Variants in ELFN1 observed in about 807,000 individuals in gnomAD.
The protein encoded by ELFN1 is extracellular leucine rich repeat and fibronectin type III domain containing 1.
Under a neutral mutation model 7.6 loss-of-function variants are expected in ELFN1, and 6 were observed. The ratio of observed to expected loss-of-function variants is 0.79; its 90% CI spans 0.43 to 1.56. The LOEUF (loss-of-function observed/expected upper bound fraction) is 1.56. Among genes scored for constraint, ELFN1 ranks in the 40% most tolerant of loss-of-function variants. The probability of loss-of-function intolerance (pLI) is 0.01; values close to 1 mark genes in which losing one functional copy is unlikely to be tolerated. For synonymous variants in ELFN1, 657 were observed against 588.1 expected, an observed-to-expected ratio of 1.12 and a Z score of -1.70; for missense variants, 1,169 against 1,232.2, an observed-to-expected ratio of 0.95 and a Z score of 0.77.
chr7:1,744,425 C>T lies in ELFN1; in HGVS notation c.-172C>T, dbSNP rs1180432613. On this transcript the variant is annotated 5_prime_UTR_variant, in exon 4 of 4. Coordinates refer to ENST00000424383, the MANE Select transcript of ELFN1 (RefSeq NM_001128636.4). ...GAGAGGCGGCCGGCCGTGAGGGAGG[C>T]GCCCTCCCTCCCCGCGCTTACGTCG... is the stretch of plus-strand genomic sequence containing the variant. 1.1e-5 allele frequency: 8 copies of T among 711,082 alleles called. No individual in the cohort carries two copies. The highest frequency in any genetic ancestry group is 1.5e-5 in the Non-Finnish European group (7 of 464,088). 44.0% of individuals were successfully genotyped at this position (711,082 alleles called of 1,614,324 possible). A position where few individuals can be genotyped will look rare whatever the true frequency, so the allele number is the denominator to read the frequency against.
In ELFN1 at chr7:1,740,841, G is replaced by A. The variant is rs1373522898; in HGVS notation, c.-293-3463G>A. On this transcript the variant is annotated intron_variant, in intron 3 of 3. Coordinates refer to ENST00000424383, the MANE Select transcript of ELFN1 (RefSeq NM_001128636.4). This position sits in a 1 kb window ranked among gnomAD's most constrained non-coding sequence, Gnocchi z 5.0. Reference sequence around the variant, plus strand: ...TGAGCTGCAGAATGAAAACTTCGGGGCCCCTTGGCTGGGCATGGTGGCTCA... The same window carrying A: ...TGAGCTGCAGAATGAAAACTTCGGGACCCCTTGGCTGGGCATGGTGGCTCA... Among the ~76,000 whole-genome samples, 1 of 152,182 alleles carries A rather than the reference G, an allele frequency of 6.6e-6. No individual in the cohort carries two copies. Among genetic ancestry groups the A allele is most frequent in the Non-Finnish European group, 1.5e-5 (1 of 68,026 alleles).
chr7:1,688,183 A>G (rs1427012119), intron 2 of ELFN1, 33 bp downstream of exon 2: 1 of 151,602 alleles, frequency 6.6e-6, no homozygotes, highest in African/African-American at 2.4e-5. Context: ...CCATTTTTCT[A>G]TTGAGTTGCA....
At chr7:1,715,132 C>T (rs767647657) in intron 3 of ELFN1, among the ~76,000 whole-genome samples, 6 of 152,318 alleles carry the variant, frequency 3.9e-5, no homozygotes, top group East Asian at 1.9e-4. Context: ...TCTCAGCCAA[C>T]GGCAGAGAAG....
intron 1 of ELFN1, among the ~76,000 whole-genome samples, chr7:1,674,792 T>C (rs1195069847): frequency 6.6e-6 from 1 of 152,066 alleles, no homozygotes; most frequent in Non-Finnish European, 1.5e-5. Context: ...ATTGGAAAAC[T>C]GCACTCTGGG....
chr7:1,682,115 A>G (rs955533848), intron 1 of ELFN1, among the ~76,000 whole-genome samples: 1 of 152,188 alleles, frequency 6.6e-6, no homozygotes, highest in Non-Finnish European at 1.5e-5. Flanking sequence ...AACTTATTAT[A>G]AAGTCCAATT....
At chr7:1,677,645 G>GC (rs1554245979) in intron 1 of ELFN1, among the ~76,000 whole-genome samples, 4 of 151,994 alleles carry the variant, frequency 2.6e-5, no homozygotes, top group Admixed American at 6.6e-5. Context: ...CACCCTCCTG[G>GC]CCCCCCCACC....
intron 3 of ELFN1, among the ~76,000 whole-genome samples, chr7:1,718,743 C>T (rs888330150): frequency 1.3e-5 from 2 of 152,122 alleles, no homozygotes; most frequent in Admixed American, 1.3e-4. Flanking sequence ...GATGGAGCCA[C>T]TCTAGGACTC....
intron 1 of ELFN1, among the ~76,000 whole-genome samples, chr7:1,678,966 G>A (rs1778923406): frequency 6.6e-6 from 1 of 152,122 alleles, no homozygotes; most frequent in African/African-American, 2.4e-5. Flanking sequence ...TGCTCACCCC[G>A]AGGAACTGGC....
In ELFN1 at chr7:1,745,016, G is replaced by A. The variant is rs1562390837; in HGVS notation, c.420G>A (p.Gln140=). ...GLGKLEYLYL[Q]ANLIEVVMAS... is the part of the protein sequence containing the mutation. The stretch of plus-strand genomic sequence containing the variant: ...GCAAGCTGGAGTACCTGTACCTGCA[G>A]GCCAACCTCATCGAGGTGGTCATGG... The change falls in exon 4 of 4, where the codon CAG becomes CAA. Residue 140 remains glutamine, a synonymous_variant. Transcript: ENST00000424383. 6.4e-7 allele frequency: 1 copy of A among 1,551,138 alleles called. No homozygotes were observed.
chr7:1,720,316 C>T (rs957260311), intron 3 of ELFN1, among the ~76,000 whole-genome samples: 2 of 152,202 alleles, frequency 1.3e-5, no homozygotes, highest in African/African-American at 4.8e-5. Context: ...CCACAGTGGG[C>T]CCCAGGCTTC....
At chr7:1,733,442 G>A (rs6460811) in intron 3 of ELFN1, among the ~76,000 whole-genome samples, 3,333 of 152,216 alleles carry the variant, frequency 0.022, 131 homozygotes, top group African/African-American at 0.075. Flanking sequence ...AGCCCTGGGC[G>A]GTAGGACAGT....
At chr7:1,667,808 G>A (rs1306792145), upstream of ELFN1, among the ~76,000 whole-genome samples, 1 of 152,186 alleles carries the variant, frequency 6.6e-6, no homozygotes, top group Non-Finnish European at 1.5e-5. This position sits in a 1 kb window ranked among gnomAD's most constrained non-coding sequence, Gnocchi z 8.2. Context: ...AGGGGGCGTG[G>A]AGCGCGGCGT....
chr7:1,729,158 C>G (rs961568688), intron 3 of ELFN1, among the ~76,000 whole-genome samples: 6 of 152,224 alleles, frequency 3.9e-5, no homozygotes, highest in African/African-American at 1.4e-4. Flanking sequence ...CTCCAATTCT[C>G]CAGTGGATTC....
Position 1,747,098 on chromosome 7 carries a change from G to T in ELFN1, c.*15G>T, listed in dbSNP as rs769139773. On this transcript the variant is annotated 3_prime_UTR_variant, in exon 4 of 4. Coordinates refer to ENST00000424383, the MANE Select transcript of ELFN1 (RefSeq NM_001128636.4). Reference sequence around the variant, plus strand: ...ACAAGTCCTGAGCCCCCCAAGACCGGCGATGCCCACTGGACCAAAAAGGAT... The same window carrying T: ...ACAAGTCCTGAGCCCCCCAAGACCGTCGATGCCCACTGGACCAAAAAGGAT... 15 of 1,459,814 alleles carry T rather than the reference G, an allele frequency of 1.0e-5. No homozygotes were observed. Among genetic ancestry groups the T allele is most frequent in the Non-Finnish European group, 1.4e-5 (15 of 1,098,648 alleles). The allele number at this position is 1,459,814 out of a possible 1,614,324, so 90.4% of individuals were successfully genotyped here.
intron 1 of ELFN1, among the ~76,000 whole-genome samples, chr7:1,674,418 C>CA (rs1778827508): frequency 6.6e-6 from 1 of 152,302 alleles, no homozygotes; most frequent in East Asian, 1.9e-4. Context: ...CCTCAGGACT[C>CA]ACGGCTTCCA....
At chr7:1,696,608 G>GC (rs1006460168) in intron 2 of ELFN1, among the ~76,000 whole-genome samples, 1 of 152,028 alleles carries the variant, frequency 6.6e-6, no homozygotes, top group African/African-American at 2.4e-5. Flanking sequence ...TCGCTATGTT[G>GC]CCCAGGCTAG....
rs964054051 is a variant in ELFN1, at chr7:1,670,984, C to T, written c.-549+630C>T. Among the ~76,000 whole-genome samples the T allele has an allele frequency of 1.1e-5, 1 of 92,634 alleles. No individual in the cohort carries two copies. Among genetic ancestry groups the T allele is most frequent in the East Asian group, 2.9e-4 (1 of 3,412 alleles). 60.8% of individuals were successfully genotyped at this position (92,634 alleles called of 152,430 possible). ...AACTGAACTTACTGGGTGCTTTCCA[C>T]CCCTCGCCCCACCTGGAGTCCATCC... On this transcript the variant is annotated intron_variant, in intron 1 of 3. Transcript: ENST00000424383. The surrounding 1 kb of genome is among the most constrained non-coding windows in gnomAD (Gnocchi z 6.4).
chr7:1,719,464 C>T (rs1005722571), intron 3 of ELFN1, among the ~76,000 whole-genome samples: 21 of 152,242 alleles, frequency 1.4e-4, no homozygotes, highest in Admixed American at 7.8e-4. Context: ...TTCCCGCTTC[C>T]GCAGACAGGG....
intron 1 of ELFN1, among the ~76,000 whole-genome samples, chr7:1,685,191 A>G (rs527728257): frequency 7.2e-5 from 11 of 152,128 alleles, no homozygotes; most frequent in African/African-American, 2.4e-4. Flanking sequence ...TCAGCCATTT[A>G]TCATATTGCT....
Sources: allele counts gnomAD v4.1 joint callset (sites outside exome capture counted in the v4.1 genomes callset), GRCh38; gene constraint gnomAD v4.1.1; non-coding constraint Gnocchi (gnomAD v3.1); transcripts MANE v1.5; gene names NCBI Gene and HGNC (gene_info 2026-07-23, HGNC 2026-07-21).